RARG: variants seen among roughly 807,000 people sequenced by gnomAD.
RARG encodes the protein retinoic acid receptor gamma.
A neutral mutation model predicts 43.7 loss-of-function variants in RARG; 17 were observed. That is an observed-to-expected ratio of 0.39 (90% CI 0.27 to 0.58). The LOEUF (loss-of-function observed/expected upper bound fraction) is 0.58, where lower values mean the gene tolerates loss of function less well. Ranked by LOEUF, RARG falls within the 20% of genes least tolerant of loss-of-function variation. The probability of loss-of-function intolerance (pLI) is 0.57; values close to 1 mark genes in which losing one functional copy is unlikely to be tolerated. For missense variants in RARG, 346 were observed against 598.7 expected, an observed-to-expected ratio of 0.58 and a Z score of 4.40; for synonymous variants, 238 against 236.4, an observed-to-expected ratio of 1.01 and a Z score of -0.06.
At chr12:53,231,824 G>A (rs955401541) in intron 1 of RARG, 150 bp downstream of exon 1, 1 of 376,410 alleles carries the variant, frequency 2.7e-6, no homozygotes. Context: ...CCTGGGTCGG[G>A]GCAAGAAGCC....
intron 3 of RARG, among the ~76,000 whole-genome samples, chr12:53,222,313 GAGAA>G (rs1178590151): frequency 2.5e-4 from 37 of 149,332 alleles, no homozygotes; most frequent in South Asian, 6.3e-4. Flanking sequence ...GAGAGAGAGA[GAGAA>G]AGAAAGAACT....
chr12:53,221,711 C>T (rs1380016397), intron 3 of RARG, among the ~76,000 whole-genome samples: 1 of 151,506 alleles, frequency 6.6e-6, no homozygotes, highest in Non-Finnish European at 1.5e-5. Flanking sequence ...GCGCCAGCAG[C>T]GGCGACTCCC....
At position 53,213,801 on chromosome 12, in the gene RARG, C is replaced by G. The variant is rs543252860; in HGVS notation, c.814-101G>C. On this transcript the variant is annotated intron_variant, in intron 7 of 9. Coordinates refer to ENST00000425354, the MANE Select transcript of RARG (RefSeq NM_000966.6). This position sits in a 1 kb window ranked among gnomAD's most constrained non-coding sequence, Gnocchi z 4.7. ...GAGGTTAGGTCCCCAGTGAGTGCAACCTGAAGCAGGCATGGAGAAGGCAGA... is the reference window on the plus strand; with the variant it reads ...GAGGTTAGGTCCCCAGTGAGTGCAAGCTGAAGCAGGCATGGAGAAGGCAGA... 1 of 1,292,722 alleles carries G rather than the reference C, an allele frequency of 7.7e-7. No individual in the cohort carries two copies. The highest frequency in any genetic ancestry group is 1.3e-5 in the South Asian group (1 of 74,552). 80.1% of individuals were successfully genotyped at this position (1,292,722 alleles called of 1,614,324 possible).
Position 53,211,511 on chromosome 12 carries a change from A to T in RARG, c.*165T>A. On this transcript the variant is annotated 3_prime_UTR_variant, in exon 10 of 10. Coordinates refer to ENST00000425354, the MANE Select transcript of RARG (RefSeq NM_000966.6). The surrounding 1 kb of genome is among the most constrained non-coding windows in gnomAD (Gnocchi z 4.6). ...GGGAGCCGGTTAGATCAGGAAGGGG[A>T]TGAACACAGAGGCACCCCTAGAAAC... 3.3e-6 allele frequency: 2 copies of T among 598,856 alleles called. No homozygotes were observed. Among genetic ancestry groups the T allele is most frequent in the Non-Finnish European group, 5.2e-6 (2 of 381,586 alleles). 37.1% of individuals were successfully genotyped at this position (598,856 alleles called of 1,614,324 possible). A position where few individuals can be genotyped will look rare whatever the true frequency, so the allele number is the denominator to read the frequency against.
chr12:53,223,523 G>GCCCCCCCCCC (rs139275762), intron 3 of RARG, among the ~76,000 whole-genome samples: 5 of 103,696 alleles, frequency 4.8e-5, no homozygotes, highest in African/African-American at 1.0e-4. Context: ...GGCTCCCCCC[G>GCCCCCCCCCC]CCCCCCCCCC....
chr12:53,217,232 G>A (rs1379839805), intron 3 of RARG, among the ~76,000 whole-genome samples: 6 of 152,166 alleles, frequency 3.9e-5, no homozygotes, highest in African/African-American at 1.4e-4. Flanking sequence ...GGGGAAAGAA[G>A]GGTGCCTGGA....
intron 3 of RARG, among the ~76,000 whole-genome samples, chr12:53,224,595 G>A (rs773656658): frequency 5.9e-5 from 9 of 151,992 alleles, no homozygotes; most frequent in Non-Finnish European, 1.2e-4. Flanking sequence ...TCCCACTCTG[G>A]AAGGTTTCCC....
At chr12:53,220,038 G>C (rs1942906487) in intron 3 of RARG, 9 of 1,541,324 alleles carry the variant, frequency 5.8e-6, no homozygotes, top group Non-Finnish European at 7.9e-6. Flanking sequence ...AGCCGGCCCC[G>C]GGCCCGGCCG....
chr12:53,225,645 T>C (rs1409209063), intron 3 of RARG, among the ~76,000 whole-genome samples: 1 of 152,218 alleles, frequency 6.6e-6, no homozygotes, highest in Non-Finnish European at 1.5e-5. Context: ...TCTCTGAAAT[T>C]GCTCTTTCCC....
In RARG at chr12:53,213,347, G is replaced by GTT. The variant is rs201334637; in HGVS notation, c.1019-106_1019-105dup. Reference sequence around the variant, plus strand: ...CGGCGTTTTGGGAAGCCTGTACAGGGTTTCAGAACTCTCTGGATGGGGCCA... The same window carrying GTT: ...CGGCGTTTTGGGAAGCCTGTACAGGGTTTTTCAGAACTCTCTGGATGGGGCCA... On this transcript the variant is annotated intron_variant, in intron 8 of 9. Coordinates refer to ENST00000425354, the MANE Select transcript of RARG (RefSeq NM_000966.6). This position sits in a 1 kb window ranked among gnomAD's most constrained non-coding sequence, Gnocchi z 4.7. The GTT allele has an allele frequency of 1.5e-3, 2,204 of 1,484,580 alleles. 33 individuals are homozygous for GTT. In the African/African-American group the frequency reaches 0.027, roughly 18 times the overall value. 92.0% of individuals were successfully genotyped at this position (1,484,580 alleles called of 1,614,324 possible).
Position 53,213,476 on chromosome 12 carries a change from G to A in RARG, c.1018+20C>T, listed in dbSNP as rs759298488. The A allele has an allele frequency of 7.4e-6, 12 of 1,611,026 alleles. No individual in the cohort carries two copies. Among genetic ancestry groups the A allele is most frequent in the Middle Eastern group, 1.6e-4 (1 of 6,082 alleles). ...AAAGGAGACTGAGCACTGAGCAGACGCCAGGGGGCGCCCCCGCACCTCCGC... is the reference window on the plus strand; with the variant it reads ...AAAGGAGACTGAGCACTGAGCAGACACCAGGGGGCGCCCCCGCACCTCCGC... On this transcript the variant is annotated intron_variant, in intron 8 of 9. Coordinates refer to ENST00000425354, the MANE Select transcript of RARG (RefSeq NM_000966.6). This position sits in a 1 kb window ranked among gnomAD's most constrained non-coding sequence, Gnocchi z 4.7.
chr12:53,222,948 CCCA>C (rs1367679538), intron 3 of RARG, among the ~76,000 whole-genome samples: 2 of 152,126 alleles, frequency 1.3e-5, no homozygotes, highest in African/African-American at 4.8e-5. Context: ...CCCTATGATC[CCCA>C]CCACCAGGGC....
chr12:53,214,350 C>T lies in RARG; in HGVS notation c.636+96G>A, dbSNP rs973590943. 4 of 1,543,808 alleles carry T rather than the reference C, an allele frequency of 2.6e-6. No homozygotes were observed. The African/African-American group carries it at 5.4e-5, about 21-fold the overall frequency. ...CTCTGCATTCTGATGCCCTCCTTGT[C>T]CTCAGCACCAGTCGATGATAGCCTC... On this transcript the variant is annotated intron_variant, in intron 6 of 9. Transcript: ENST00000425354.
At chr12:53,212,060 G>C (rs1367419158) in intron 9 of RARG, among the ~76,000 whole-genome samples, 197 bp from the exon 10 acceptor site, 1 of 152,110 alleles carries the variant, frequency 6.6e-6, no homozygotes, top group Non-Finnish European at 1.5e-5. Context: ...ACCTCTACCT[G>C]GCCTTCTCTA....
At chr12:53,220,232 A>C (rs758920615) in intron 3 of RARG, 6 of 743,578 alleles carry the variant, frequency 8.1e-6, no homozygotes, top group East Asian at 6.0e-5. Context: ...GCTGGGCTGC[A>C]TGCGGGTAAG....
intron 2 of RARG, among the ~76,000 whole-genome samples, chr12:53,229,317 T>G (rs1336741643): frequency 1.3e-5 from 2 of 152,152 alleles, no homozygotes; most frequent in Non-Finnish European, 2.9e-5. Context: ...GATGTATAGC[T>G]CTCAGTCTTT....
rs1469199998 is a variant in RARG, at chr12:53,211,119, C to T, written c.*557G>A. On this transcript the variant is annotated 3_prime_UTR_variant, in exon 10 of 10. Transcript: ENST00000425354. This position sits in a 1 kb window ranked among gnomAD's most constrained non-coding sequence, Gnocchi z 4.6. ...TGGACCTGCATCTATCTGTCCCTTT[C>T]ACCCTCTGTTCCTGCCCCAGAAATG... 6.6e-6 allele frequency: 1 copy of T among 152,540 alleles called. No homozygotes were observed. Among genetic ancestry groups the T allele is most frequent in the East Asian group, 1.9e-4 (1 of 5,204 alleles). 9.4% of individuals were successfully genotyped at this position (152,540 alleles called of 1,614,324 possible).
Position 53,211,906 on chromosome 12 carries a change from C to T in RARG, c.1178-43G>A. The T allele has an allele frequency of 7.4e-7, 1 of 1,352,958 alleles. No homozygotes were observed. The highest frequency in any genetic ancestry group is 9.8e-7 in the Non-Finnish European group (1 of 1,024,136). 83.8% of individuals were successfully genotyped at this position (1,352,958 alleles called of 1,614,324 possible). On this transcript the variant is annotated intron_variant, in intron 9 of 9. Transcript: ENST00000425354. The surrounding 1 kb of genome is among the most constrained non-coding windows in gnomAD (Gnocchi z 4.6). Reference sequence around the variant, plus strand: ...AGAGAGAGGCTCAGGAGGACAGAGGCACATGGCCCTTAAGGCCATCTCCCT... The same window carrying T: ...AGAGAGAGGCTCAGGAGGACAGAGGTACATGGCCCTTAAGGCCATCTCCCT...
intron 3 of RARG, among the ~76,000 whole-genome samples, chr12:53,226,515 G>A (rs1943109850): frequency 6.6e-6 from 1 of 152,038 alleles, no homozygotes; most frequent in Admixed American, 6.6e-5. Context: ...TTTAAAGACG[G>A]GGTTTCACTA....
Sources: gnomAD v4.1 joint callset for allele counts (sites outside exome capture counted in the v4.1 genomes callset) on GRCh38, gnomAD v4.1.1 for gene constraint, Gnocchi (gnomAD v3.1) non-coding constraint, MANE v1.5 for transcripts, NCBI Gene and HGNC (gene_info 2026-07-23, HGNC 2026-07-21) for gene names.